ADGRE2: variants seen among roughly 807,000 people sequenced by gnomAD.
The protein encoded by ADGRE2 is adhesion G protein-coupled receptor E2, also known as CD97 antigen.
Under a neutral mutation model 100.8 loss-of-function variants are expected in ADGRE2, and 83 were observed. That is an observed-to-expected ratio of 0.82 (90% CI 0.69 to 0.99). The LOEUF (loss-of-function observed/expected upper bound fraction) is 0.99. Among genes scored for constraint, ADGRE2 ranks in the 50% least tolerant of loss-of-function variants. The probability of loss-of-function intolerance (pLI) is 0.00; values close to 1 mark genes in which losing one functional copy is unlikely to be tolerated. For missense variants in ADGRE2, 814 were observed against 1,035.7 expected, an observed-to-expected ratio of 0.79 and a Z score of 2.94; for synonymous variants, 355 against 413.0, an observed-to-expected ratio of 0.86 and a Z score of 1.70.
chr19:14,745,079 G>A (rs1056223989), intron 18 of ADGRE2, among the ~76,000 whole-genome samples: 2 of 151,796 alleles, frequency 1.3e-5, no homozygotes, highest in East Asian at 1.9e-4. Flanking sequence ...TAGTAGAGAC[G>A]GGGTTTCACC....
intron 11 of ADGRE2, among the ~76,000 whole-genome samples, chr19:14,757,519 A>T (rs768533494): frequency 1.3e-5 from 2 of 152,196 alleles, no homozygotes; most frequent in African/African-American, 2.4e-5. Context: ...GACACAACAG[A>T]ATAGAATTGA....
chr19:14,768,335 G>A (rs2044069029), intron 5 of ADGRE2, among the ~76,000 whole-genome samples: 1 of 152,264 alleles, frequency 6.6e-6, no homozygotes, highest in Non-Finnish European at 1.5e-5. Context: ...TTGCCCCAGG[G>A]CTGTGAAGGT....
Position 14,755,125 on chromosome 19 carries a change from T to C in ADGRE2, c.1419A>G (p.Ser473=), listed in dbSNP as rs780788579. The change falls in exon 14 of 21, where the codon TCA becomes TCG. Residue 473 remains serine, a splice_region_variant and synonymous_variant. Transcript: ENST00000315576. The part of the protein sequence containing the change: ...SPVTFTFSHR[S]VIPRQKVLCV... ...AGAGCACCTTCTGTCTCGGGATCAC[T>C]GACTGCAGGAACAGAACACAGGTGT... 8 of 1,613,674 alleles carry C rather than the reference T, an allele frequency of 5.0e-6. No individual in the cohort carries two copies. In the African/African-American group the frequency reaches 1.1e-4, roughly 22 times the overall value.
chr19:14,758,883 T>C (rs1248714271), intron 11 of ADGRE2, among the ~76,000 whole-genome samples: 452 of 14,324 alleles, frequency 0.032, 7 homozygotes, highest in African/African-American at 0.21. Context: ...CGACTCCGTC[T>C]CAAAAAAAAA....
At position 14,746,862 on chromosome 19, in the gene ADGRE2, G is replaced by A. The variant is rs188483876; in HGVS notation, c.2091+34C>T. The A allele has an allele frequency of 5.1e-5, 82 of 1,594,496 alleles. No individual in the cohort carries two copies. In the African/African-American group the frequency reaches 5.2e-4, roughly 10 times the overall value. The stretch of plus-strand genomic sequence containing the variant: ...TCTTGTTTTTCTAATGACCCTCAGC[G>A]GGGCAGCGAGGATGCTCAGATGATG... On this transcript the variant is annotated intron_variant, in intron 17 of 20. Coordinates refer to ENST00000315576, the MANE Select transcript of ADGRE2 (RefSeq NM_013447.4).
At chr19:14,727,363 G>A in the ADGRE2 span, among the ~76,000 whole-genome samples, 1 of 152,128 alleles carries the variant, frequency 6.6e-6, no homozygotes, top group Non-Finnish European at 1.5e-5. Flanking sequence ...CTGTTTTGCA[G>A]GCTGCACAAA....
Position 14,756,330 on chromosome 19 carries a change from ACCT to A in ADGRE2, c.1097_1099del (p.Glu366del). On this transcript the variant is annotated inframe_deletion, in exon 12 of 21. Transcript: ENST00000315576. ...GACACTCCTGTCTACTTGCTTCTGC[ACCT>A]CCAGGGACAATTCTATGAGTTGTGG... The A allele has an allele frequency of 1.2e-6, 2 of 1,613,572 alleles. No individual in the cohort carries two copies. Among genetic ancestry groups the A allele is most frequent in the Non-Finnish European group, 1.7e-6 (2 of 1,179,614 alleles).
Position 14,765,291 on chromosome 19 carries a change from C to T in ADGRE2, c.906+29G>A, listed in dbSNP as rs565414270. On this transcript the variant is annotated intron_variant, in intron 10 of 20. Coordinates refer to ENST00000315576, the MANE Select transcript of ADGRE2 (RefSeq NM_013447.4). ...GTGGGATGCAGCCACCTTCCTGCCT[C>T]GCCCCCTTGCCCTGGGTCCTGTCCT... 1.9e-5 allele frequency: 31 copies of T among 1,613,474 alleles called. No individual in the cohort carries two copies. In the African/African-American group the frequency reaches 2.0e-4, roughly 10 times the overall value.
Position 14,751,635 on chromosome 19 carries a change from G to A in ADGRE2, c.1825C>T (p.Leu609Phe). ...ATCCAGGTCAAGGTGGCCAGGTAGA[G>A]ATAGTGCAAGGTACCGGCGATGATG... Reference protein sequence around the residue: ...CSIIAGTLHYLYLATLTWMLL... With the variant: ...CSIIAGTLHYFYLATLTWMLL... The change falls in exon 16 of 21, where the codon CTC becomes TTC. Residue 609 changes from leucine (L) to phenylalanine (F), a missense_variant. By Grantham distance (22) the Leu-to-Phe change is conservative (BLOSUM62 0). This residue lies in a region of ADGRE2 where 569 missense variants were observed against 692.7 expected (regional missense o/e 0.82). Transcript: ENST00000315576. 1 of 1,614,110 alleles carries A rather than the reference G, an allele frequency of 6.2e-7. No individual in the cohort carries two copies. The highest frequency in any genetic ancestry group is 8.5e-7 in the Non-Finnish European group (1 of 1,180,006).
At chr19:14,753,817 T>G (rs2043385049) in intron 14 of ADGRE2, among the ~76,000 whole-genome samples, 1 of 150,682 alleles carries the variant, frequency 6.6e-6, no homozygotes, top group South Asian at 2.1e-4. Flanking sequence ...GAGTTTACCC[T>G]GGGTGGGCCA....
chr19:14,766,891 CCCT>C, intron 6 of ADGRE2, 84 bp downstream of exon 6: 1 of 1,489,328 alleles, frequency 6.7e-7, no homozygotes, highest in Non-Finnish European at 9.1e-7. Context: ...CGGATCTTCT[CCCT>C]CCTCCTCGGC....
chr19:14,731,663 G>A (rs2042672721), downstream of ADGRE2: 1 of 154,286 alleles, frequency 6.5e-6, no homozygotes, highest in African/African-American at 2.4e-5. Context: ...CGTATTTCAT[G>A]TTTCAAACTG....
chr19:14,746,042 C>T (rs2043075887), intron 18 of ADGRE2, among the ~76,000 whole-genome samples, 190 bp downstream of exon 18: 1 of 152,176 alleles, frequency 6.6e-6, no homozygotes, highest in South Asian at 2.1e-4. Context: ...ATGGACAAAA[C>T]ATGTTGCATG....
chr19:14,774,372 T>G (rs1028683445), intron 2 of ADGRE2, 66 bp from the exon 3 acceptor site: 124 of 1,361,680 alleles, frequency 9.1e-5, no homozygotes, highest in Non-Finnish European at 1.2e-4. Flanking sequence ...GTAAGGGTGA[T>G]GCACTTTGTG....
intron 20 of ADGRE2, 73 bp from the exon 21 acceptor site, chr19:14,736,317 A>G: frequency 9.9e-7 from 1 of 1,013,228 alleles, no homozygotes; most frequent in East Asian, 2.7e-5. Context: ...GCTGGAGTGC[A>G]ATGGCGCAGC....
intron 20 of ADGRE2, among the ~76,000 whole-genome samples, chr19:14,742,671 G>T (rs2042965930): frequency 6.6e-6 from 1 of 152,200 alleles, no homozygotes; most frequent in South Asian, 2.1e-4. Context: ...ACTTATTTCT[G>T]TTTAATTCAT....
intron 20 of ADGRE2, among the ~76,000 whole-genome samples, chr19:14,736,708 A>C (rs2042756272): frequency 6.8e-6 from 1 of 146,496 alleles, no homozygotes; most frequent in South Asian, 2.1e-4. Context: ...AAATATATAG[A>C]TATTTAGAAA....
intron 16 of ADGRE2, among the ~76,000 whole-genome samples, chr19:14,749,045 A>C (rs2043178959): frequency 6.6e-6 from 1 of 151,720 alleles, no homozygotes; most frequent in Admixed American, 6.6e-5. Context: ...ATATGATCAC[A>C]TTATAGTTAT....
rs2043442931 is a variant in ADGRE2 at position 14,755,083 on chromosome 19, A to G, written c.1461T>C (p.His487=). ...CCCAGTGACCACATCCATTCTGGCCATGCTCCCAGAAGACACAGAGCACCT... is the reference window on the plus strand; with the variant it reads ...CCCAGTGACCACATCCATTCTGGCCGTGCTCCCAGAAGACACAGAGCACCT... ...RQKVLCVFWE[H]GQNGCGHWAT... The change falls in exon 14 of 21, where the codon CAT becomes CAC. Residue 487 remains histidine (H), a synonymous_variant. Coordinates refer to ENST00000315576, the MANE Select transcript of ADGRE2 (RefSeq NM_013447.4). The G allele has an allele frequency of 2.5e-6, 4 of 1,614,028 alleles. No individual in the cohort carries two copies. Among genetic ancestry groups the G allele is most frequent in the Non-Finnish European group, 2.5e-6 (3 of 1,179,998 alleles).
Sources: gnomAD v4.1 joint callset for allele counts (sites outside exome capture counted in the v4.1 genomes callset) on GRCh38, gnomAD v4.1.1 for gene constraint, gnomAD v4.1.1 regional missense constraint, MANE v1.5 for transcripts, NCBI Gene and HGNC (gene_info 2026-07-23, HGNC 2026-07-21) for gene names.